The following VSIR variants were observed in gnomAD, a reference collection of about 807,000 sequenced individuals.
The protein encoded by VSIR is V-type immunoglobulin domain-containing suppressor of T-cell activation.
Under a neutral mutation model 31.0 loss-of-function variants are expected in VSIR, and 10 were observed. That is an observed-to-expected ratio of 0.32 (90% CI 0.20 to 0.55). VSIR has a LOEUF of 0.55. VSIR is among the 20% of genes least tolerant of loss of function. VSIR has a pLI of 0.93. For missense variants in VSIR, 356 were observed against 416.2 expected (o/e 0.86, Z 1.26); for synonymous variants, 179 against 180.1 (o/e 0.99, Z 0.05).
intron 3 of VSIR, among the ~76,000 whole-genome samples, chr10:71,759,900 T>TATATATACACACAC (rs1564779297): frequency 2.2e-5 from 1 of 44,972 alleles, no homozygotes; most frequent in Admixed American, 2.4e-4. Flanking sequence ...CACACACACA[T>TATATATACACACAC]ATATACACAC....
intron 3 of VSIR, among the ~76,000 whole-genome samples, chr10:71,756,453 T>C (rs1840151133): frequency 6.6e-6 from 1 of 152,212 alleles, no homozygotes; most frequent in African/African-American, 2.4e-5. Flanking sequence ...ACTAATAATG[T>C]AGCAATGAAC....
chr10:71,759,980 C>T (rs1253070508), intron 3 of VSIR, among the ~76,000 whole-genome samples: 6 of 85,394 alleles, frequency 7.0e-5, no homozygotes, highest in African/African-American at 1.1e-4. Flanking sequence ...TACACACACA[C>T]ATATATATAC....
chr10:71,760,177 G>GTATGTATATA (rs1395571900), intron 3 of VSIR, among the ~76,000 whole-genome samples: 1 of 22,646 alleles, frequency 4.4e-5, no homozygotes, highest in Non-Finnish European at 1.1e-4. Flanking sequence ...ACATATATAT[G>GTATGTATATA]TGTGTATATA....
At chr10:71,758,853 T>A (rs1204177263) in intron 3 of VSIR, among the ~76,000 whole-genome samples, 2 of 151,880 alleles carry the variant, frequency 1.3e-5, no homozygotes, top group East Asian at 3.9e-4. Context: ...ATAGCGAGAG[T>A]GCATCTCTAC....
At chr10:71,771,771 G>A (rs1262522734) in intron 1 of VSIR, among the ~76,000 whole-genome samples, 1 of 152,218 alleles carries the variant, frequency 6.6e-6, no homozygotes, top group Non-Finnish European at 1.5e-5. Flanking sequence ...AAGCAATATA[G>A]GGGAAGGCGT....
In VSIR at chr10:71,755,356, C is replaced by T; in HGVS notation, c.676+3G>A. ...CCCACCCCAGGCAGGGAGGAATACTCACGGCGGTTGGAGGCTGCCTGCCTT... is the reference window on the plus strand; with the variant it reads ...CCCACCCCAGGCAGGGAGGAATACTTACGGCGGTTGGAGGCTGCCTGCCTT... On this transcript the variant is annotated splice_donor_region_variant and intron_variant, in intron 4 of 6. Transcript: ENST00000394957. The T allele has an allele frequency of 6.2e-7, 1 of 1,603,116 alleles. No homozygotes were observed. Among genetic ancestry groups the T allele is most frequent in the Non-Finnish European group, 8.5e-7 (1 of 1,172,730 alleles).
chr10:71,771,642 G>A (rs1840687555), intron 1 of VSIR, among the ~76,000 whole-genome samples: 1 of 152,212 alleles, frequency 6.6e-6, no homozygotes. Context: ...TCCTTTCAGT[G>A]GAAAGCTGCA....
intron 1 of VSIR, among the ~76,000 whole-genome samples, chr10:71,769,676 T>C (rs1564785238): frequency 6.6e-6 from 1 of 152,114 alleles, no homozygotes; most frequent in Non-Finnish European, 1.5e-5. Flanking sequence ...TGTGTTCCCA[T>C]GATGAGTGAA....
At chr10:71,755,179 C>G (rs1840101031) in intron 4 of VSIR, 180 bp downstream of exon 4, 1 of 703,878 alleles carries the variant, frequency 1.4e-6, no homozygotes. Context: ...CCGGAAATGG[C>G]ATGCCTCCTT....
chr10:71,753,144 C>T (rs1840048471), intron 4 of VSIR, 142 bp from the exon 5 acceptor site: 1 of 908,482 alleles, frequency 1.1e-6, no homozygotes, highest in African/African-American at 2.3e-5. Context: ...CATTTCTTTT[C>T]ACATGGGTGC....
Position 71,747,620 on chromosome 10 carries a change from C to T in VSIR, c.*3633G>A, listed in dbSNP as rs547283011. 1.3e-5 allele frequency: 2 copies of T among 152,346 alleles called. No homozygotes were observed. The highest frequency in any genetic ancestry group is 4.1e-4 in the South Asian group (2 of 4,824). 9.4% of individuals were successfully genotyped at this position (152,346 alleles called of 1,614,324 possible). A position where few individuals can be genotyped will look rare whatever the true frequency, so the allele number is the denominator to read the frequency against. On this transcript the variant is annotated 3_prime_UTR_variant, in exon 7 of 7. Coordinates refer to ENST00000394957, the MANE Select transcript of VSIR (RefSeq NM_022153.2). ...ACAGACCTTTCAGAACCTCTATTGC[C>T]CTCTGTGTTAAATGGCAGCAATAAA... is the stretch of plus-strand genomic sequence containing the variant.
intron 3 of VSIR, among the ~76,000 whole-genome samples, chr10:71,759,846 C>CACACACATACACACACACACACACAT (rs776230069): frequency 3.3e-5 from 2 of 59,964 alleles, no homozygotes; most frequent in African/African-American, 6.0e-5. Context: ...CACACACACA[C>CACACACATACACACACACACACACAT]ATATACACAC....
intron 3 of VSIR, among the ~76,000 whole-genome samples, chr10:71,756,928 A>G (rs1287803928): frequency 6.6e-6 from 1 of 152,236 alleles, no homozygotes; most frequent in Non-Finnish European, 1.5e-5. Context: ...GCAAATGAGA[A>G]CAAACTGTTT....
At chr10:71,767,806 C>A (rs576364334) in intron 1 of VSIR, among the ~76,000 whole-genome samples, 5 of 152,210 alleles carry the variant, frequency 3.3e-5, no homozygotes, top group Admixed American at 6.5e-5. Flanking sequence ...TCACATCAGA[C>A]CAAGGGGGCT....
At chr10:71,760,945 G>A in intron 2 of VSIR, 21 bp from the exon 3 acceptor site, 1 of 1,613,140 alleles carries the variant, frequency 6.2e-7, no homozygotes, top group Non-Finnish European at 8.5e-7. Context: ...AAACAGAAGG[G>A]CCATTAGGTG....
intron 3 of VSIR, among the ~76,000 whole-genome samples, chr10:71,757,067 A>C (rs536078660): frequency 6.6e-6 from 1 of 152,370 alleles, no homozygotes; most frequent in East Asian, 1.9e-4. Context: ...TGGAATATTG[A>C]AAGTAAAGAC....
intron 4 of VSIR, 166 bp downstream of exon 4, chr10:71,755,193 C>A: frequency 1.4e-6 from 1 of 740,708 alleles, no homozygotes; most frequent in South Asian, 1.5e-5. Flanking sequence ...CCTCCTTTCT[C>A]TCGGCCATTT....
chr10:71,753,103 G>A, intron 4 of VSIR, 101 bp from the exon 5 acceptor site: 1 of 1,373,316 alleles, frequency 7.3e-7, no homozygotes, highest in Non-Finnish European at 1.0e-6. Context: ...ACAGGAGCGA[G>A]CCCAGGAGGG....
intron 1 of VSIR, among the ~76,000 whole-genome samples, chr10:71,766,213 C>T (rs1011387950): frequency 3.9e-5 from 6 of 152,152 alleles, no homozygotes; most frequent in Admixed American, 2.0e-4. Context: ...TGTCGGAGAC[C>T]GGGAAAAGTG....
Sources: gnomAD v4.1 joint callset for allele counts (sites outside exome capture counted in the v4.1 genomes callset) on GRCh38, gnomAD v4.1.1 for gene constraint, MANE v1.5 for transcripts, NCBI Gene and HGNC (gene_info 2026-07-23, HGNC 2026-07-21) for gene names.